Variants in HOMER1 observed in about 807,000 individuals in gnomAD.
The protein encoded by HOMER1 is homer protein homolog 1.
HOMER1 carries 3 observed loss-of-function variants against 48.9 expected under a neutral mutation model. The observed-to-expected ratio is 0.06, with a 90% CI of 0.03 to 0.16. The LOEUF (loss-of-function observed/expected upper bound fraction) is 0.16. Ranked by LOEUF, HOMER1 falls within the 10% of genes least tolerant of loss-of-function variation. The pLI, the probability that HOMER1 is intolerant of heterozygous loss-of-function variation, is 1.00. For missense variants in HOMER1, 247 were observed against 411.4 expected (o/e 0.60, Z 3.46); for synonymous variants, 134 against 146.4 (o/e 0.92, Z 0.61).
At chr5:79,452,467 T>C (rs1751055680) in intron 2 of HOMER1, among the ~76,000 whole-genome samples, 2 of 152,200 alleles carry the variant, frequency 1.3e-5, no homozygotes, top group African/African-American at 2.4e-5. Context: ...CCAATAGTAA[T>C]AGACAGATGT....
intron 2 of HOMER1, among the ~76,000 whole-genome samples, chr5:79,456,362 C>G (rs1751177557): frequency 6.6e-6 from 1 of 152,096 alleles, no homozygotes; most frequent in South Asian, 2.1e-4. Flanking sequence ...AGTCCTTGCT[C>G]CTGTTACACT....
chr5:79,424,447 C>G (rs1750187631), intron 5 of HOMER1, among the ~76,000 whole-genome samples: 1 of 151,966 alleles, frequency 6.6e-6, no homozygotes, highest in Non-Finnish European at 1.5e-5. Context: ...AAATCAAGTA[C>G]AACTGCATTA....
intron 2 of HOMER1, among the ~76,000 whole-genome samples, chr5:79,451,463 A>G (rs1751025470): frequency 6.6e-6 from 1 of 152,018 alleles, no homozygotes; most frequent in South Asian, 2.1e-4. Flanking sequence ...AATCACTAGA[A>G]GAAGGTAGGC....
chr5:79,474,276 C>T (rs1751699131), intron 1 of HOMER1, among the ~76,000 whole-genome samples: 2 of 133,068 alleles, frequency 1.5e-5, no homozygotes, highest in African/African-American at 2.8e-5. Flanking sequence ...TGATCTAGAA[C>T]TCCTGGCTTC....
chr5:79,421,347 A>C (rs1750094129), intron 5 of HOMER1, among the ~76,000 whole-genome samples: 1 of 152,244 alleles, frequency 6.6e-6, no homozygotes, highest in Non-Finnish European at 1.5e-5. Flanking sequence ...CAGAAACATA[A>C]GCTTAACTCT....
At chr5:79,493,553 AAC>A (rs144285971) in intron 1 of HOMER1, among the ~76,000 whole-genome samples, 7,262 of 152,282 alleles carry the variant, frequency 0.048, 201 homozygotes, top group Middle Eastern at 0.075. Context: ...GAATGGAGGA[AAC>A]AGAGTCCATC....
intron 8 of HOMER1, among the ~76,000 whole-genome samples, chr5:79,392,700 T>C (rs754232102): frequency 1.3e-5 from 2 of 152,182 alleles, no homozygotes; most frequent in Middle Eastern, 3.2e-3. Flanking sequence ...TATGGTAATA[T>C]CTTAGGTCTT....
intron 4 of HOMER1, among the ~76,000 whole-genome samples, chr5:79,446,056 C>G (rs1750870626): frequency 6.6e-6 from 1 of 152,214 alleles, no homozygotes; most frequent in South Asian, 2.1e-4. Flanking sequence ...TGCAAAGAGA[C>G]TGCTTCTCCC....
At chr5:79,415,887 G>T (rs982227745) in intron 5 of HOMER1, among the ~76,000 whole-genome samples, 3 of 152,120 alleles carry the variant, frequency 2.0e-5, no homozygotes, top group African/African-American at 7.2e-5. Context: ...ATAGATATGG[G>T]CCTTGGGCAA....
At chr5:79,486,485 T>C (rs1752106511) in intron 1 of HOMER1, among the ~76,000 whole-genome samples, 1 of 152,210 alleles carries the variant, frequency 6.6e-6, no homozygotes, top group Non-Finnish European at 1.5e-5. Flanking sequence ...ATTTGTTATG[T>C]TATACAGGCA....
At chr5:79,451,639 A>G (rs1400232652) in intron 2 of HOMER1, among the ~76,000 whole-genome samples, 7 of 137,402 alleles carry the variant, frequency 5.1e-5, no homozygotes, top group Non-Finnish European at 9.1e-5. Context: ...GATCTCGGCT[A>G]ACTGCAAGCT....
At chr5:79,383,539 C>G (rs1277660407) in intron 8 of HOMER1, among the ~76,000 whole-genome samples, 3 of 152,074 alleles carry the variant, frequency 2.0e-5, no homozygotes, top group African/African-American at 7.2e-5. Context: ...GTGCCCACCA[C>G]CATGCCCGGC....
chr5:79,375,735 CTATTTA>C lies in HOMER1; in HGVS notation c.*268_*273del, dbSNP rs1748752998. 2 of 272,920 alleles carry C rather than the reference CTATTTA, an allele frequency of 7.3e-6. No individual in the cohort carries two copies. The highest frequency in any genetic ancestry group is 1.4e-5 in the Non-Finnish European group (2 of 147,238). The allele number at this position is 272,920 out of a possible 1,614,324, so 16.9% of individuals were successfully genotyped here. A position where few individuals can be genotyped will look rare whatever the true frequency, so the allele number is the denominator to read the frequency against. On this transcript the variant is annotated 3_prime_UTR_variant, in exon 9 of 9. Transcript: ENST00000334082. ...CAGGAAAAAAGATTGCATTAAGTGTCTATTTATAACTTTCTAGTTAACTATGGCCAA... is the reference window on the plus strand; with the variant it reads ...CAGGAAAAAAGATTGCATTAAGTGTCTAACTTTCTAGTTAACTATGGCCAA...
Position 79,512,755 on chromosome 5 carries a change from C to T in HOMER1, c.5+15G>A. 6.2e-7 allele frequency: 1 copy of T among 1,612,860 alleles called. No homozygotes were observed. The highest frequency in any genetic ancestry group is 8.5e-7 in the Non-Finnish European group (1 of 1,179,024). ...TAAACAGATTCGAAGCTGTGTTAAG[C>T]ACAAAAATCCTTACCCCATTTTGCC... On this transcript the variant is annotated intron_variant, in intron 1 of 8. Coordinates refer to ENST00000334082, the MANE Select transcript of HOMER1 (RefSeq NM_004272.5).
At chr5:79,462,691 G>A (rs1278385835) in intron 1 of HOMER1, among the ~76,000 whole-genome samples, 1 of 152,112 alleles carries the variant, frequency 6.6e-6, no homozygotes, top group East Asian at 1.9e-4. Context: ...TTTTGGTCTA[G>A]AAAAAAAGCA....
intron 1 of HOMER1, among the ~76,000 whole-genome samples, chr5:79,492,614 T>A (rs1752310959): frequency 6.6e-6 from 1 of 152,114 alleles, no homozygotes; most frequent in Non-Finnish European, 1.5e-5. Flanking sequence ...ATATAAATAT[T>A]AAACGCAGTC....
At chr5:79,458,333 C>T (rs1462599876) in intron 1 of HOMER1, among the ~76,000 whole-genome samples, 2 of 151,740 alleles carry the variant, frequency 1.3e-5, no homozygotes, top group Non-Finnish European at 2.9e-5. Context: ...TTTCACTGCA[C>T]ATCTTTCTTT....
intron 1 of HOMER1, among the ~76,000 whole-genome samples, chr5:79,512,498 T>C (rs1329075538): frequency 6.6e-6 from 1 of 152,210 alleles, no homozygotes; most frequent in Non-Finnish European, 1.5e-5. Context: ...GTCTGACCAG[T>C]AAAGTGTAGA....
At chr5:79,482,258 A>G (rs1006965976) in intron 1 of HOMER1, among the ~76,000 whole-genome samples, 1 of 152,118 alleles carries the variant, frequency 6.6e-6, no homozygotes, top group Non-Finnish European at 1.5e-5. Flanking sequence ...AATAGCACCC[A>G]ATAAGATAAA....
Sources: allele counts gnomAD v4.1 joint callset (sites outside exome capture counted in the v4.1 genomes callset), GRCh38; gene constraint gnomAD v4.1.1; transcripts MANE v1.5; gene names NCBI Gene and HGNC (gene_info 2026-07-23, HGNC 2026-07-21).